CHMP4B: variants seen among roughly 807,000 people sequenced by gnomAD.
CHMP4B encodes charged multivesicular body protein 4B, also known as SNF7 homolog associated with Alix 1.
CHMP4B carries 1 observed loss-of-function variant against 25.1 expected under a neutral mutation model. The observed-to-expected ratio is 0.04, with a 90% CI of 0.01 to 0.19. The LOEUF (loss-of-function observed/expected upper bound fraction) is 0.19, where lower values mean the gene tolerates loss of function less well. Ranked by LOEUF, CHMP4B falls within the 10% of genes least tolerant of loss-of-function variation. The pLI is 1.00. For synonymous variants in CHMP4B, 101 were observed against 115.6 expected (o/e 0.87, Z 0.81); for missense variants, 151 against 289.7 (o/e 0.52, Z 3.48).
At chr20:33,842,134 T>C (rs1979560451) in intron 1 of CHMP4B, among the ~76,000 whole-genome samples, 1 of 152,184 alleles carries the variant, frequency 6.6e-6, no homozygotes, top group African/African-American at 2.4e-5. Context: ...ATCGTAACTC[T>C]TACTTAGTCA....
chr20:33,833,641 C>A (rs1979314647), intron 1 of CHMP4B, among the ~76,000 whole-genome samples: 3 of 152,220 alleles, frequency 2.0e-5, no homozygotes. Flanking sequence ...ACATCCAAGT[C>A]TGTCCTTGAG....
In CHMP4B at chr20:33,845,472, G is replaced by A. The variant is rs557632767; in HGVS notation, c.191-2995G>A. Among the ~76,000 whole-genome samples the A allele has an allele frequency of 1.1e-4, 16 of 152,122 alleles. No homozygotes were observed. In the East Asian group the frequency reaches 2.1e-3, roughly 20 times the overall value. On this transcript the variant is annotated intron_variant, in intron 1 of 4. Coordinates refer to ENST00000217402, the MANE Select transcript of CHMP4B (RefSeq NM_176812.5). Reference sequence around the variant, plus strand: ...CGAGTAGCTGGGACTACAGGTGCGCGCCACCATGTCCGGCTAATTTTTGTA... The same window carrying A: ...CGAGTAGCTGGGACTACAGGTGCGCACCACCATGTCCGGCTAATTTTTGTA...
At chr20:33,811,746 G>A in intron 1 of CHMP4B, 88 bp downstream of exon 1, 1 of 1,363,938 alleles carries the variant, frequency 7.3e-7, no homozygotes, top group South Asian at 1.2e-5. Flanking sequence ...CTCGCCTCGG[G>A]GTCTGGTCTG....
Position 33,851,045 on chromosome 20 carries a change from G to A in CHMP4B, c.462G>A (p.Gly154=), listed in dbSNP as rs1195240411. The change falls in exon 3 of 5, where the codon GGG becomes GGA. Residue 154 remains glycine, a synonymous_variant. Coordinates refer to ENST00000217402, the MANE Select transcript of CHMP4B (RefSeq NM_176812.5). The stretch of plus-strand genomic sequence containing the variant: ...CAACAGCAATTTCGAAACCTGTAGG[G>A]TTTGGAGAAGAGTTTGACGAGGTGA... ...EISTAISKPV[G]FGEEFDEDEL... The A allele has an allele frequency of 3.1e-6, 5 of 1,611,830 alleles. No homozygotes were observed. In the African/African-American group the frequency reaches 5.3e-5, roughly 17 times the overall value.
intron 1 of CHMP4B, among the ~76,000 whole-genome samples, chr20:33,820,082 G>A (rs1317555361): frequency 2.0e-5 from 3 of 152,030 alleles, no homozygotes; most frequent in South Asian, 2.1e-4. Flanking sequence ...GGAGGCTGAG[G>A]CAGCAGAATG....
chr20:33,827,827 A>G (rs1979135890), intron 1 of CHMP4B, among the ~76,000 whole-genome samples: 1 of 152,216 alleles, frequency 6.6e-6, no homozygotes, highest in African/African-American at 2.4e-5. Flanking sequence ...TTGGGGCCAC[A>G]GGATGTAGGG....
chr20:33,849,957 T>C (rs1380095993), intron 2 of CHMP4B, among the ~76,000 whole-genome samples: 1 of 152,188 alleles, frequency 6.6e-6, no homozygotes, highest in African/African-American at 2.4e-5. Context: ...TAAAATTTTC[T>C]GCAGGGATGG....
rs138170335 is a variant in CHMP4B at position 33,848,412 on chromosome 20, T to C, written c.191-55T>C. ...AGTTGGGGAAAAGACTCAGTGACAC[T>C]AGAACCTCACCCTGTGCCGGGACTC... On this transcript the variant is annotated intron_variant, in intron 1 of 4. Coordinates refer to ENST00000217402, the MANE Select transcript of CHMP4B (RefSeq NM_176812.5). 38 of 1,587,936 alleles carry C rather than the reference T, an allele frequency of 2.4e-5. No homozygotes were observed. In the African/African-American group the frequency reaches 3.9e-4, roughly 16 times the overall value.
Position 33,845,448 on chromosome 20 carries a change from G to A in CHMP4B, c.191-3019G>A, listed in dbSNP as rs201751574. Among the ~76,000 whole-genome samples, 14 of 151,586 alleles carry A rather than the reference G, an allele frequency of 9.2e-5. No homozygotes were observed. The East Asian group carries it at 2.4e-3, about 26-fold the overall frequency. ...AGCAATTCTCCTGCCTCTGCCTCCC[G>A]AGTAGCTGGGACTACAGGTGCGCGC... On this transcript the variant is annotated intron_variant, in intron 1 of 4. Coordinates refer to ENST00000217402, the MANE Select transcript of CHMP4B (RefSeq NM_176812.5).
intron 1 of CHMP4B, among the ~76,000 whole-genome samples, chr20:33,830,524 A>AG (rs538480038): frequency 8.7e-4 from 132 of 152,334 alleles, no homozygotes; most frequent in African/African-American, 3.1e-3. Flanking sequence ...CCCAGCTGGA[A>AG]GACAGCTGCC....
chr20:33,833,299 C>A (rs1348647094), intron 1 of CHMP4B, among the ~76,000 whole-genome samples: 2 of 152,228 alleles, frequency 1.3e-5, no homozygotes, highest in Non-Finnish European at 2.9e-5. Context: ...TCTCCACCAC[C>A]TGGTTGCCCC....
At chr20:33,816,775 GAGA>G (rs138815375) in intron 1 of CHMP4B, among the ~76,000 whole-genome samples, 144 of 152,288 alleles carry the variant, frequency 9.5e-4, no homozygotes, top group Middle Eastern at 3.4e-3. Flanking sequence ...AAGAGAATTG[GAGA>G]AGATTAGGAA....
intron 1 of CHMP4B, among the ~76,000 whole-genome samples, chr20:33,823,478 C>A (rs923805870): frequency 6.6e-6 from 1 of 151,982 alleles, no homozygotes; most frequent in Non-Finnish European, 1.5e-5. Context: ...CTCAAGTGAT[C>A]CTCCCACCTC....
chr20:33,819,438 C>T (rs1978873469), intron 1 of CHMP4B, among the ~76,000 whole-genome samples: 1 of 152,152 alleles, frequency 6.6e-6, no homozygotes, highest in East Asian at 1.9e-4. Context: ...CATCTAGGAA[C>T]CCCTAAAGTT....
chr20:33,836,392 A>C (rs1303093767), intron 1 of CHMP4B, among the ~76,000 whole-genome samples: 1 of 151,806 alleles, frequency 6.6e-6, no homozygotes, highest in Non-Finnish European at 1.5e-5. Flanking sequence ...AGCAGTGTTT[A>C]TCTAGTATAG....
intron 1 of CHMP4B, among the ~76,000 whole-genome samples, chr20:33,837,352 C>T (rs1467780932): frequency 1.3e-5 from 2 of 149,572 alleles, no homozygotes; most frequent in Non-Finnish European, 3.0e-5. Context: ...CCCTGTCTTA[C>T]AAAAACAAAA....
chr20:33,838,951 T>C (rs1798238267), intron 1 of CHMP4B, among the ~76,000 whole-genome samples: 2 of 152,168 alleles, frequency 1.3e-5, no homozygotes, highest in Admixed American at 1.3e-4. Flanking sequence ...TCCTTCCTTA[T>C]GCCCTGGGCC....
intron 1 of CHMP4B, among the ~76,000 whole-genome samples, chr20:33,843,403 A>C (rs1044070488): frequency 1.3e-5 from 2 of 152,232 alleles, no homozygotes; most frequent in African/African-American, 4.8e-5. Flanking sequence ...TTAGATTTCA[A>C]TTGTTAAAGC....
chr20:33,847,086 G>A (rs1228035439), intron 1 of CHMP4B, among the ~76,000 whole-genome samples: 1 of 152,004 alleles, frequency 6.6e-6, no homozygotes, highest in Non-Finnish European at 1.5e-5. Flanking sequence ...AGCATCCTGA[G>A]CTATAGAAAA....
Sources: gnomAD v4.1 joint callset for allele counts (sites outside exome capture counted in the v4.1 genomes callset) on GRCh38, gnomAD v4.1.1 for gene constraint, MANE v1.5 for transcripts, NCBI Gene and HGNC (gene_info 2026-07-23, HGNC 2026-07-21) for gene names.